Variants in PRKX observed in about 807,000 individuals in gnomAD.
PRKX encodes the protein protein kinase cAMP-dependent X-linked catalytic subunit.
In PRKX, 12 loss-of-function variants were observed where a neutral mutation model predicts 22.0. The observed-to-expected ratio is 0.54, with a 90% CI of 0.35 to 0.88. The LOEUF is 0.88. Ranked by LOEUF, PRKX falls within the 40% of genes least tolerant of loss-of-function variation. PRKX has a pLI of 0.01. For synonymous variants in PRKX, 134 were observed against 137.7 expected, an observed-to-expected ratio of 0.97 and a Z score of 0.19; for missense variants, 217 against 308.0, an observed-to-expected ratio of 0.70 and a Z score of 2.21.
At chrX:3,648,788 G>A (rs763990633) in intron 3 of PRKX, among the ~76,000 whole-genome samples, 1 of 110,267 alleles carries the variant, frequency 9.1e-6, no homozygotes, top group Non-Finnish European at 1.9e-5. Flanking sequence ...AACTAGGAAA[G>A]AGCTGTTGCA....
At chrX:3,631,149 C>G (rs73438447) in intron 4 of PRKX, among the ~76,000 whole-genome samples, 410 of 112,192 alleles carry the variant, frequency 3.7e-3, no homozygotes, top group African/African-American at 0.012. Flanking sequence ...CCTGTAGATT[C>G]CAAATCACTT....
chrX:3,629,822 T>G (rs976984039), intron 4 of PRKX, among the ~76,000 whole-genome samples: 1 of 111,231 alleles, frequency 9.0e-6, no homozygotes, highest in African/African-American at 3.3e-5. Context: ...TCTGGCTAAT[T>G]TTTTGACTTT....
At chrX:3,675,167 T>C (rs1216423368) in intron 1 of PRKX, among the ~76,000 whole-genome samples, 2 of 111,719 alleles carry the variant, frequency 1.8e-5, no homozygotes, top group Non-Finnish European at 3.8e-5. Context: ...TGCCTTTTTC[T>C]CTTCAGGCTC....
At chrX:3,646,975 TA>T in intron 3 of PRKX, among the ~76,000 whole-genome samples, 1 of 110,462 alleles carries the variant, frequency 9.1e-6, no homozygotes, top group East Asian at 2.8e-4. Context: ...CAAGGGAAAG[TA>T]ACAACACCGA....
At chrX:3,697,386 C>T (rs73625734) in intron 1 of PRKX, among the ~76,000 whole-genome samples, 3,894 of 110,920 alleles carry the variant, frequency 0.035, 177 homozygotes, top group African/African-American at 0.12. Flanking sequence ...AGAAAGAAGT[C>T]ACTTGCTCTA....
chrX:3,611,078 C>A (rs1006428726), intron 8 of PRKX: 1 of 112,018 alleles, frequency 8.9e-6, no homozygotes, highest in African/African-American at 3.2e-5. Flanking sequence ...GAGGTGAAGC[C>A]ATGCCATGGA....
At chrX:3,676,472 G>A (rs762950129) in intron 1 of PRKX, among the ~76,000 whole-genome samples, 93 of 111,592 alleles carry the variant, frequency 8.3e-4, no homozygotes, top group Non-Finnish European at 4.5e-4. Flanking sequence ...AACAGCCAAG[G>A]CGTGGAAACA....
intron 1 of PRKX, among the ~76,000 whole-genome samples, chrX:3,676,045 C>T (rs759783387): frequency 9.0e-6 from 1 of 111,687 alleles, no homozygotes; most frequent in Non-Finnish European, 1.9e-5. Context: ...GCAACTGATG[C>T]AGGATTTCTA....
chrX:3,660,904 G>A (rs1241976993), intron 2 of PRKX, among the ~76,000 whole-genome samples: 1 of 109,875 alleles, frequency 9.1e-6, no homozygotes, highest in African/African-American at 3.3e-5. Flanking sequence ...GAGAGGAGGG[G>A]AAGGAAGAAG....
chrX:3,651,196 CA>C (rs1927325636), intron 3 of PRKX, among the ~76,000 whole-genome samples: 1 of 111,437 alleles, frequency 9.0e-6, no homozygotes, highest in Admixed American at 9.6e-5. Context: ...TTTGCAAAAG[CA>C]ATCTATCAAT....
At chrX:3,623,439 C>A (rs1926600128) in intron 5 of PRKX, among the ~76,000 whole-genome samples, 1 of 110,290 alleles carries the variant, frequency 9.1e-6, no homozygotes, top group Admixed American at 9.8e-5. Flanking sequence ...GCCTGTAGCA[C>A]CAGTTACTCG....
chrX:3,685,635 T>C (rs1429130435), intron 1 of PRKX, among the ~76,000 whole-genome samples: 1 of 111,473 alleles, frequency 9.0e-6, no homozygotes, highest in Non-Finnish European at 1.9e-5. Flanking sequence ...CCCTATCCAT[T>C]TGGCAAGGAC....
At chrX:3,666,217 C>T (rs1263230873) in intron 2 of PRKX, among the ~76,000 whole-genome samples, 1 of 99,043 alleles carries the variant, frequency 1.0e-5, no homozygotes, top group Non-Finnish European at 2.0e-5. Context: ...TGCAGTGGTG[C>T]GATCTTGGCT....
chrX:3,639,879 C>T (rs952964911), intron 4 of PRKX, among the ~76,000 whole-genome samples: 2 of 110,957 alleles, frequency 1.8e-5, no homozygotes, highest in Admixed American at 1.9e-4. Context: ...ACAAAGTCAG[C>T]GACTGCCTGG....
At chrX:3,630,091 CCAG>C (rs1355374917) in intron 4 of PRKX, among the ~76,000 whole-genome samples, 6 of 112,099 alleles carry the variant, frequency 5.4e-5, no homozygotes, top group African/African-American at 1.9e-4. Context: ...GCTGCAGAAA[CCAG>C]CAGACTTTAC....
intron 2 of PRKX, among the ~76,000 whole-genome samples, chrX:3,656,452 C>A (rs150562722): frequency 2.7e-5 from 3 of 110,798 alleles, no homozygotes; most frequent in Non-Finnish European, 5.7e-5. Flanking sequence ...ACGTGTAGAC[C>A]GGTGTTGCTC....
At chrX:3,628,144 G>A (rs1926698864) in intron 4 of PRKX, among the ~76,000 whole-genome samples, 1 of 111,185 alleles carries the variant, frequency 9.0e-6, no homozygotes, top group South Asian at 3.8e-4. Flanking sequence ...AATAAGCCAG[G>A]AAAAGAACAT....
At position 3,606,655 on chromosome X, in the gene PRKX, G is replaced by A. The variant is rs760845042; in HGVS notation, c.*2314C>T. The A allele has an allele frequency of 3.6e-5, 4 of 110,173 alleles. No individual in the cohort carries two copies. The highest frequency in any genetic ancestry group is 5.7e-5 in the Non-Finnish European group (3 of 52,772). 9.1% of individuals were successfully genotyped at this position (110,173 alleles called of 1,213,427 possible). On this transcript the variant is annotated 3_prime_UTR_variant, in exon 9 of 9. Transcript: ENST00000262848. ...CTCCCAAAGTGCTGGGATTACAGGC[G>A]TGAGCCACCATGCCTGGCCAGGTAA...
At chrX:3,624,212 A>G (rs1484402045) in intron 5 of PRKX, among the ~76,000 whole-genome samples, 1 of 111,730 alleles carries the variant, frequency 9.0e-6, no homozygotes, top group Non-Finnish European at 1.9e-5. Flanking sequence ...CTACCAAAAA[A>G]AGGAAAGATA....
Sources: gnomAD v4.1 joint callset for allele counts (sites outside exome capture counted in the v4.1 genomes callset) on GRCh38, gnomAD v4.1.1 for gene constraint, MANE v1.5 for transcripts, NCBI Gene and HGNC (gene_info 2026-07-23, HGNC 2026-07-21) for gene names.